Variants in GRIK5 observed in about 807,000 individuals in gnomAD.
GRIK5 encodes the protein glutamate receptor ionotropic, kainate 5.
In GRIK5, 43 loss-of-function variants were observed where a neutral mutation model predicts 97.4. The observed-to-expected ratio is 0.44, with a 90% CI of 0.35 to 0.57. The LOEUF is 0.57. GRIK5 is among the 20% of genes least tolerant of loss of function. The pLI is 0.01. For synonymous variants in GRIK5, 580 were observed against 583.5 expected, an observed-to-expected ratio of 0.99 and a Z score of 0.09; for missense variants, 1,015 against 1,382.0, an observed-to-expected ratio of 0.73 and a Z score of 4.21.
At chr19:42,068,572 G>A (rs760907034) in intron 1 of GRIK5, 5 of 406,476 alleles carry the variant, frequency 1.2e-5, no homozygotes, top group Non-Finnish European at 2.2e-5. Flanking sequence ...TCCAAGCTCA[G>A]AGGCAGAGAG....
chr19:42,031,924 G>C (rs1363188307), intron 12 of GRIK5, among the ~76,000 whole-genome samples: 1 of 152,094 alleles, frequency 6.6e-6, no homozygotes, highest in African/African-American at 2.4e-5. Context: ...CTTGAGCCCA[G>C]GGACTCAAGA....
rs1209912383 is a variant in GRIK5 at position 42,042,776 on chromosome 19, A to G, written c.1270-21T>C. The G allele has an allele frequency of 6.3e-7, 1 of 1,596,236 alleles. No homozygotes were observed. Among genetic ancestry groups the G allele is most frequent in the Non-Finnish European group, 8.6e-7 (1 of 1,167,418 alleles). Reference sequence around the variant, plus strand: ...TTCTCCTGGGTGGGCAGAAGAAAGCAGGGGTCAGAGGCTGGGTGTCTAGTG... The same window carrying G: ...TTCTCCTGGGTGGGCAGAAGAAAGCGGGGGTCAGAGGCTGGGTGTCTAGTG... On this transcript the variant is annotated intron_variant, in intron 11 of 19. Transcript: ENST00000593562. The surrounding 1 kb of genome is among the most constrained non-coding windows in gnomAD (Gnocchi z 6.9).
Position 42,062,870 on chromosome 19 carries a change from G to T in GRIK5, c.245-15C>A. ...GATCTGACACACTGCGTGGGAAGGGGAAGAGACCGCAGAGTCAGGGACCCC... is the reference window on the plus strand; with the variant it reads ...GATCTGACACACTGCGTGGGAAGGGTAAGAGACCGCAGAGTCAGGGACCCC... On this transcript the variant is annotated splice_polypyrimidine_tract_variant and intron_variant, in intron 3 of 19. Coordinates refer to ENST00000593562, the MANE Select transcript of GRIK5 (RefSeq NM_002088.5). The surrounding 1 kb of genome is among the most constrained non-coding windows in gnomAD (Gnocchi z 5.3). 1 of 1,594,098 alleles carries T rather than the reference G, an allele frequency of 6.3e-7. No homozygotes were observed. The highest frequency in any genetic ancestry group is 1.1e-5 in the South Asian group (1 of 90,670).
chr19:42,015,000 G>A (rs1017428965), intron 15 of GRIK5, among the ~76,000 whole-genome samples: 2 of 152,234 alleles, frequency 1.3e-5, no homozygotes, highest in African/African-American at 4.8e-5. Flanking sequence ...CAGAAAGCCA[G>A]AGTGCCTATA....
intron 12 of GRIK5, among the ~76,000 whole-genome samples, chr19:42,033,174 C>T (rs774720863): frequency 3.3e-5 from 5 of 151,660 alleles, no homozygotes; most frequent in East Asian, 1.9e-4. Context: ...AAAAATTAGC[C>T]GGGTGTGGTG....
chr19:42,037,358 C>T (rs1359377520), intron 12 of GRIK5, among the ~76,000 whole-genome samples: 1 of 152,164 alleles, frequency 6.6e-6, no homozygotes, highest in East Asian at 1.9e-4. Flanking sequence ...ACTTAGGAGG[C>T]TGAGGCAGGA....
At chr19:42,026,593 G>T (rs192716622) in intron 12 of GRIK5, among the ~76,000 whole-genome samples, 1 of 148,870 alleles carries the variant, frequency 6.7e-6, no homozygotes, top group Non-Finnish European at 1.5e-5. Flanking sequence ...TTTTGGAGAC[G>T]GAGTCTCACT....
At chr19:42,046,861 T>C (rs2076049043) in intron 11 of GRIK5, among the ~76,000 whole-genome samples, 1 of 152,068 alleles carries the variant, frequency 6.6e-6, no homozygotes, top group Non-Finnish European at 1.5e-5. Context: ...TTACGTAGGT[T>C]TGTATTAACT....
Position 41,999,329 on chromosome 19 carries a change from G to C in GRIK5, c.2515-30C>G. The C allele has an allele frequency of 1.4e-6, 2 of 1,478,850 alleles. No homozygotes were observed. The highest frequency in any genetic ancestry group is 2.8e-5 in the East Asian group (1 of 35,354). The allele number at this position is 1,478,850 out of a possible 1,614,324, so 91.6% of individuals were successfully genotyped here. A position where few individuals can be genotyped will look rare whatever the true frequency, so the allele number is the denominator to read the frequency against. On this transcript the variant is annotated intron_variant, in intron 19 of 19. Transcript: ENST00000593562. This position sits in a 1 kb window ranked among gnomAD's most constrained non-coding sequence, Gnocchi z 5.0. ...GGGTGGCGCGGGCGGTCACCGTCCC[G>C]GCGCAGTCCGCCTCCCGCCTCCCCC...
In GRIK5 at chr19:42,065,216, C is replaced by T. The variant is rs201577316; in HGVS notation, c.244+7G>A. ...GCCTCACCCCACGCCCCCATGGCCC[C>T]GCTCACTGGTGTCCGTGGTCTCGTA... On this transcript the variant is annotated splice_region_variant and intron_variant, in intron 3 of 19. Coordinates refer to ENST00000593562, the MANE Select transcript of GRIK5 (RefSeq NM_002088.5). The surrounding 1 kb of genome is among the most constrained non-coding windows in gnomAD (Gnocchi z 5.8). 5.0e-5 allele frequency: 81 copies of T among 1,604,684 alleles called. No homozygotes were observed. The East Asian group carries it at 1.2e-3, about 23-fold the overall frequency.
In GRIK5 at chr19:42,012,224, G is replaced by A. The variant is rs551302925; in HGVS notation, c.1872-5414C>T. 1.5e-4 allele frequency among the ~76,000 whole-genome samples: 23 copies of A among 151,464 alleles called. 1 individual carries two copies. The South Asian group carries it at 4.6e-3, about 30-fold the overall frequency. ...TATGTATATGTATATATACATGTAT[G>A]TGTATGTATGTATGTATGTATGTAT... On this transcript the variant is annotated intron_variant, in intron 15 of 19. Coordinates refer to ENST00000593562, the MANE Select transcript of GRIK5 (RefSeq NM_002088.5).
At chr19:42,033,521 C>T (rs1007969319) in intron 12 of GRIK5, among the ~76,000 whole-genome samples, 9 of 146,664 alleles carry the variant, frequency 6.1e-5, no homozygotes, top group African/African-American at 1.7e-4. Context: ...GTTGGGGTAG[C>T]GGGGAGGGAG....
At chr19:42,066,736 A>G (rs2076338539) in intron 1 of GRIK5, among the ~76,000 whole-genome samples, 1 of 151,886 alleles carries the variant, frequency 6.6e-6, no homozygotes, top group Admixed American at 6.6e-5. Context: ...GAAAGGACAG[A>G]GCAGGGAGCG....
intron 11 of GRIK5, among the ~76,000 whole-genome samples, chr19:42,047,012 G>A (rs556297709): frequency 1.2e-4 from 18 of 151,842 alleles, no homozygotes; most frequent in African/African-American, 3.6e-4. Context: ...CTCAGCCTCC[G>A]GAGTAGCTGG....
At chr19:42,068,038 T>C (rs188994771) in intron 1 of GRIK5, among the ~76,000 whole-genome samples, 2 of 151,546 alleles carry the variant, frequency 1.3e-5, no homozygotes, top group Non-Finnish European at 1.5e-5. Context: ...GTACAAGACT[T>C]GGGAGAAGGA....
At chr19:42,024,638 C>T (rs921491649) in intron 12 of GRIK5, among the ~76,000 whole-genome samples, 14 of 152,224 alleles carry the variant, frequency 9.2e-5, no homozygotes, top group Admixed American at 2.0e-4. Context: ...CCGCAGAGAG[C>T]AGGTTCCCAA....
chr19:42,030,766 C>G (rs143261769), intron 12 of GRIK5, among the ~76,000 whole-genome samples: 1 of 152,070 alleles, frequency 6.6e-6, no homozygotes, highest in African/African-American at 2.4e-5. Context: ...ATCTGGCAAC[C>G]GGCGCTGTTT....
In GRIK5 at chr19:42,003,777, C is replaced by G. The variant is rs1325628298; in HGVS notation, c.2264-94G>C. 2.2e-6 allele frequency: 3 copies of G among 1,375,124 alleles called. No homozygotes were observed. The highest frequency in any genetic ancestry group is 5.0e-5 in the East Asian group (2 of 40,384). 85.2% of individuals were successfully genotyped at this position (1,375,124 alleles called of 1,614,324 possible). A position where few individuals can be genotyped will look rare whatever the true frequency, so the allele number is the denominator to read the frequency against. On this transcript the variant is annotated intron_variant, in intron 17 of 19. Coordinates refer to ENST00000593562, the MANE Select transcript of GRIK5 (RefSeq NM_002088.5). This position sits in a 1 kb window ranked among gnomAD's most constrained non-coding sequence, Gnocchi z 4.2. ...CTGTGCCCTCACCACGGCCTTCCCC[C>G]GCCTCTACCACGTGCCCAGGGTCTT...
chr19:42,013,702 G>C (rs1272396165), intron 15 of GRIK5, among the ~76,000 whole-genome samples: 2 of 151,864 alleles, frequency 1.3e-5, no homozygotes, highest in African/African-American at 4.8e-5. Flanking sequence ...GAGCCACCGC[G>C]CCCGGCCTAA....
Sources: allele counts gnomAD v4.1 joint callset (sites outside exome capture counted in the v4.1 genomes callset), GRCh38; gene constraint gnomAD v4.1.1; non-coding constraint Gnocchi (gnomAD v3.1); transcripts MANE v1.5; gene names NCBI Gene and HGNC (gene_info 2026-07-23, HGNC 2026-07-21).